The following EFR3B variants were observed in gnomAD, a reference collection of about 807,000 sequenced individuals.
EFR3B encodes EFR3 homolog B.
EFR3B carries 64 observed loss-of-function variants against 104.7 expected under a neutral mutation model. The ratio of observed to expected loss-of-function variants is 0.61; its 90% confidence interval spans 0.50 to 0.75. The LOEUF (loss-of-function observed/expected upper bound fraction) is 0.75. Ranked by LOEUF, EFR3B falls within the 30% of genes least tolerant of loss-of-function variation. The pLI is 0.00. For missense variants in EFR3B, 750 were observed against 1,078.5 expected, an observed-to-expected ratio of 0.70 and a Z score of 4.27; for synonymous variants, 385 against 417.9, an observed-to-expected ratio of 0.92 and a Z score of 0.96.
intron 1 of EFR3B, among the ~76,000 whole-genome samples, chr2:25,079,733 A>G (rs1668737222): frequency 6.6e-6 from 1 of 152,210 alleles, no homozygotes; most frequent in Non-Finnish European, 1.5e-5. Context: ...CTTTATACAA[A>G]CAGTGTTCTA....
At chr2:25,125,908 T>C (rs1456419390) in intron 5 of EFR3B, among the ~76,000 whole-genome samples, 4 of 152,090 alleles carry the variant, frequency 2.6e-5, no homozygotes, top group Non-Finnish European at 5.9e-5. Context: ...AGATCGTGCC[T>C]GGGTGACAGA....
chr2:25,049,672 G>A (rs1667812224), intron 1 of EFR3B, among the ~76,000 whole-genome samples: 1 of 152,154 alleles, frequency 6.6e-6, no homozygotes, highest in South Asian at 2.1e-4. Context: ...CTCCTCTACT[G>A]AGGGGCAGAG....
intron 20 of EFR3B, among the ~76,000 whole-genome samples, chr2:25,150,619 T>A (rs1246281403): frequency 6.6e-6 from 1 of 151,774 alleles, no homozygotes; most frequent in African/African-American, 2.4e-5. Flanking sequence ...CCCTTTTTTT[T>A]TTTTTTTCTG....
In EFR3B at chr2:25,131,251, C is replaced by T. The variant is rs1010781923; in HGVS notation, c.850-117C>T. 111 of 1,386,926 alleles carry T rather than the reference C, an allele frequency of 8.0e-5. No homozygotes were observed. Among genetic ancestry groups the T allele is most frequent in the Non-Finnish European group, 1.0e-4 (106 of 1,036,350 alleles). 85.9% of individuals were successfully genotyped at this position (1,386,926 alleles called of 1,614,324 possible). A position where few individuals can be genotyped will look rare whatever the true frequency, so the allele number is the denominator to read the frequency against. On this transcript the variant is annotated intron_variant, in intron 8 of 22. Coordinates refer to ENST00000403714, the MANE Select transcript of EFR3B (RefSeq NM_014971.2). This position sits in a 1 kb window ranked among gnomAD's most constrained non-coding sequence, Gnocchi z 7.6. Reference sequence around the variant, plus strand: ...GAGGTGTCAGTGCCAACTGCAGTGCCCGGGGCCTTGGAACGTCCCTTTAGT... The same window carrying T: ...GAGGTGTCAGTGCCAACTGCAGTGCTCGGGGCCTTGGAACGTCCCTTTAGT...
intron 1 of EFR3B, among the ~76,000 whole-genome samples, chr2:25,076,565 T>C (rs1031595533): frequency 2.0e-5 from 3 of 152,192 alleles, no homozygotes; most frequent in African/African-American, 7.2e-5. Context: ...AAACCAGGCT[T>C]TCTATTTCCC....
rs10188516 is a variant in EFR3B at position 25,145,136 on chromosome 2, G to A, written c.2142+85G>A. On this transcript the variant is annotated intron_variant, in intron 19 of 22. Transcript: ENST00000403714. ...TCCAGGCTCCCCTGCCTGCATAGTG[G>A]GCTTAAGGCTGCATGGAAAGCAAGT... 0.28 allele frequency: 347,542 copies of A among 1,226,862 alleles called. 56,936 individuals are homozygous for A. The highest frequency in any genetic ancestry group is 0.65 in the East Asian group (25,798 of 39,396). The allele number at this position is 1,226,862 out of a possible 1,614,324, so 76.0% of individuals were successfully genotyped here.
rs758095851 is a variant in EFR3B at position 25,155,088 on chromosome 2, G to C, written c.*748G>C. The C allele has an allele frequency of 2.6e-5, 4 of 152,342 alleles. No individual in the cohort carries two copies. The highest frequency in any genetic ancestry group is 9.6e-5 in the African/African-American group (4 of 41,456). 9.4% of individuals were successfully genotyped at this position (152,342 alleles called of 1,614,324 possible). On this transcript the variant is annotated 3_prime_UTR_variant, in exon 23 of 23. Coordinates refer to ENST00000403714, the MANE Select transcript of EFR3B (RefSeq NM_014971.2). Reference sequence around the variant, plus strand: ...GTGTTGGCCTCCCACAGTCCTGTCTGCTGGACGTTTTTCAGAGTTGGGTTC... The same window carrying C: ...GTGTTGGCCTCCCACAGTCCTGTCTCCTGGACGTTTTTCAGAGTTGGGTTC...
chr2:25,131,914 GCGGCGCGGGGC>G lies in EFR3B; in HGVS notation c.1147+7_1147+17del. 1 of 1,505,640 alleles carries G rather than the reference GCGGCGCGGGGC, an allele frequency of 6.6e-7. No individual in the cohort carries two copies. The highest frequency in any genetic ancestry group is 1.3e-5 in the South Asian group (1 of 77,918). The allele number at this position is 1,505,640 out of a possible 1,614,324, so 93.3% of individuals were successfully genotyped here. A position where few individuals can be genotyped will look rare whatever the true frequency, so the allele number is the denominator to read the frequency against. On this transcript the variant is annotated splice_donor_5th_base_variant and intron_variant, in intron 10 of 22. Transcript: ENST00000403714. The surrounding 1 kb of genome is among the most constrained non-coding windows in gnomAD (Gnocchi z 7.6). ...GGAGGCCGTCATCAAGACCGTGGGT[GCGGCGCGGGGC>G]CGGGCCGGGGCGGGGCGGGGCCGAG...
intron 1 of EFR3B, among the ~76,000 whole-genome samples, chr2:25,074,401 A>G (rs1201639659): frequency 1.3e-5 from 2 of 152,154 alleles, no homozygotes; most frequent in Admixed American, 6.5e-5. Flanking sequence ...TCCCGTCTCT[A>G]CTAAAATACA....
At chr2:25,147,203 A>C (rs1200729117) in intron 19 of EFR3B, 1 of 152,200 alleles carries the variant, frequency 6.6e-6, no homozygotes, top group East Asian at 1.9e-4. Flanking sequence ...TCTTGCCCAG[A>C]GAGCGGCATT....
intron 1 of EFR3B, among the ~76,000 whole-genome samples, chr2:25,058,766 C>CA (rs1668095016): frequency 7.5e-6 from 1 of 133,762 alleles, no homozygotes; most frequent in Non-Finnish European, 1.6e-5. Flanking sequence ...CTCCCCGCGC[C>CA]CCCCCCCCCA....
Position 25,080,133 on chromosome 2 carries a change from A to T in EFR3B, c.8-11192A>T. The stretch of plus-strand genomic sequence containing the variant: ...CTGCCGTGACTATACCCTGTGCAAT[A>T]ACATCACAGTGCATGATTCTTCAAA... On this transcript the variant is annotated intron_variant, in intron 1 of 22. Transcript: ENST00000403714. The T allele has an allele frequency of 2.6e-6, 3 of 1,132,724 alleles. No individual in the cohort carries two copies. The South Asian group carries it at 3.7e-5, about 14-fold the overall frequency. The allele number at this position is 1,132,724 out of a possible 1,614,324, so 70.2% of individuals were successfully genotyped here. A position where few individuals can be genotyped will look rare whatever the true frequency, so the allele number is the denominator to read the frequency against.
intron 12 of EFR3B, among the ~76,000 whole-genome samples, chr2:25,134,116 A>G (rs1670454750): frequency 6.6e-6 from 1 of 152,116 alleles, no homozygotes; most frequent in African/African-American, 2.4e-5. Context: ...TACAACAGTA[A>G]TTGTCTAGAA....
At chr2:25,133,840 G>A (rs998107296) in intron 12 of EFR3B, among the ~76,000 whole-genome samples, 2 of 152,050 alleles carry the variant, frequency 1.3e-5, no homozygotes, top group African/African-American at 4.8e-5. Context: ...CAGTCTCCCA[G>A]CCCCCATCCT....
intron 16 of EFR3B, among the ~76,000 whole-genome samples, chr2:25,139,642 T>C (rs911430006): frequency 2.0e-5 from 3 of 151,890 alleles, no homozygotes; most frequent in African/African-American, 4.8e-5. Context: ...AGTAGAATGG[T>C]GAATGAACAT....
intron 4 of EFR3B, among the ~76,000 whole-genome samples, chr2:25,107,348 T>A (rs1166069675): frequency 6.6e-6 from 1 of 152,218 alleles, no homozygotes; most frequent in Non-Finnish European, 1.5e-5. Context: ...GACCTGGTTT[T>A]GCTCCCTGAA....
At chr2:25,105,430 C>T (rs548827834) in intron 4 of EFR3B, among the ~76,000 whole-genome samples, 13 of 152,310 alleles carry the variant, frequency 8.5e-5, no homozygotes, top group African/African-American at 2.9e-4. Context: ...GAATTACAGG[C>T]GTGAGCCACC....
Position 25,135,649 on chromosome 2 carries a change from G to A in EFR3B, c.1484+10G>A, listed in dbSNP as rs1670497050. The A allele has an allele frequency of 2.6e-6, 4 of 1,551,816 alleles. No individual in the cohort carries two copies. Among genetic ancestry groups the A allele is most frequent in the Non-Finnish European group, 2.6e-6 (3 of 1,147,068 alleles). The stretch of plus-strand genomic sequence containing the variant: ...AGTTCTCTACCATCAGGTGAACTTG[G>A]GGTGTCTCCTCCAGGCAATGCAAGA... On this transcript the variant is annotated intron_variant, in intron 13 of 22. Transcript: ENST00000403714.
rs1670307012 is a variant in EFR3B, at chr2:25,130,810, C to T, written c.849+180C>T. Among the ~76,000 whole-genome samples, 1 of 152,246 alleles carries T rather than the reference C, an allele frequency of 6.6e-6. No homozygotes were observed. The highest frequency in any genetic ancestry group is 2.1e-4 in the South Asian group (1 of 4,832). On this transcript the variant is annotated intron_variant, in intron 8 of 22. Transcript: ENST00000403714. This position sits in a 1 kb window ranked among gnomAD's most constrained non-coding sequence, Gnocchi z 4.6. Reference sequence around the variant, plus strand: ...CCGGCTGATTTTATTTCCAGTACATCACAGACCAATACTTTTATAAAATAC... The same window carrying T: ...CCGGCTGATTTTATTTCCAGTACATTACAGACCAATACTTTTATAAAATAC...
Sources: gnomAD v4.1 joint callset for allele counts (sites outside exome capture counted in the v4.1 genomes callset) on GRCh38, gnomAD v4.1.1 for gene constraint, Gnocchi (gnomAD v3.1) non-coding constraint, MANE v1.5 for transcripts, NCBI Gene and HGNC (gene_info 2026-07-23, HGNC 2026-07-21) for gene names.